The following ZMYM2 variants were observed in gnomAD, a reference collection of about 807,000 sequenced individuals.
ZMYM2 encodes the protein zinc finger MYM-type containing 2.
ZMYM2 carries 56 observed loss-of-function variants against 162.8 expected under a neutral mutation model. That is an observed-to-expected ratio of 0.34 (90% CI 0.28 to 0.43). The LOEUF (loss-of-function observed/expected upper bound fraction) is 0.43. ZMYM2 is among the 20% of genes least tolerant of loss of function. The pLI is 1.00. For synonymous variants in ZMYM2, 510 were observed against 541.6 expected (o/e 0.94, Z 0.81); for missense variants, 1,275 against 1,621.8 (o/e 0.79, Z 3.67).
chr13:19,926,772 A>G, the ZMYM2 span, among the ~76,000 whole-genome samples: 52 of 152,262 alleles, frequency 3.4e-4, no homozygotes, highest in Non-Finnish European at 6.8e-4. Context: ...TGCTCAAGTG[A>G]TCCTCCCATC....
chr13:19,974,208 A>C (rs1956583760), intron 2 of ZMYM2, among the ~76,000 whole-genome samples: 1 of 152,204 alleles, frequency 6.6e-6, no homozygotes, highest in Admixed American at 6.5e-5. Context: ...TCTTCCCTAG[A>C]GGCAAACCAC....
intron 21 of ZMYM2, among the ~76,000 whole-genome samples, chr13:20,073,089 G>A (rs1040900087): frequency 1.3e-5 from 2 of 152,002 alleles, no homozygotes; most frequent in African/African-American, 2.4e-5. Flanking sequence ...TGTATTTTTA[G>A]TAGAGACAGG....
chr13:19,865,655 T>C, the ZMYM2 span, among the ~76,000 whole-genome samples: 1 of 152,230 alleles, frequency 6.6e-6, no homozygotes, highest in African/African-American at 2.4e-5. Context: ...TTTCTGATTA[T>C]CTTTTTCACA....
the ZMYM2 span, among the ~76,000 whole-genome samples, chr13:19,876,029 A>ATT: frequency 6.0e-4 from 88 of 145,948 alleles, 1 homozygote; most frequent in Middle Eastern, 3.5e-3. Context: ...TTGTTCTTAA[A>ATT]TTTTTTTTTT....
chr13:20,018,337 TAA>T (rs1231659208), intron 6 of ZMYM2, among the ~76,000 whole-genome samples: 14 of 152,340 alleles, frequency 9.2e-5, no homozygotes, highest in African/African-American at 2.6e-4. Flanking sequence ...ATTAGTTAAA[TAA>T]ATAGGTGGGA....
At chr13:20,042,625 T>C (rs1386076770) in intron 12 of ZMYM2, among the ~76,000 whole-genome samples, 1 of 152,156 alleles carries the variant, frequency 6.6e-6, no homozygotes. Flanking sequence ...ACTCTGGCTT[T>C]TTGAGTTGTC....
At chr13:20,066,553 A>T (rs1956692545) in intron 19 of ZMYM2, 1 of 243,278 alleles carries the variant, frequency 4.1e-6, no homozygotes, top group African/African-American at 2.2e-5. Context: ...GAGAAAATAT[A>T]TTTACGATTC....
chr13:20,028,128 A>G (rs948998588), intron 9 of ZMYM2: 7 of 167,796 alleles, frequency 4.2e-5, no homozygotes, highest in Non-Finnish European at 7.8e-5. Flanking sequence ...AATAGTTACT[A>G]TATCACTTAT....
the ZMYM2 span, among the ~76,000 whole-genome samples, chr13:19,885,069 A>G: frequency 6.6e-6 from 1 of 152,172 alleles, no homozygotes; most frequent in Non-Finnish European, 1.5e-5. Flanking sequence ...TGCATATACA[A>G]TCCTCTAGCT....
intron 3 of ZMYM2, among the ~76,000 whole-genome samples, chr13:20,001,394 G>GAA (rs61504250): frequency 1.8e-5 from 2 of 108,970 alleles, no homozygotes. Flanking sequence ...TGTCTCAAAA[G>GAA]AAAAAAAAAA....
At chr13:19,979,232 C>CT (rs1957078262) in intron 2 of ZMYM2, among the ~76,000 whole-genome samples, 2 of 152,200 alleles carry the variant, frequency 1.3e-5, no homozygotes, top group South Asian at 4.1e-4. Context: ...ACATGGATAT[C>CT]TTTGAGTTTA....
chr13:19,889,078 T>C, the ZMYM2 span, among the ~76,000 whole-genome samples: 15 of 152,084 alleles, frequency 9.9e-5, no homozygotes, highest in South Asian at 3.1e-3. Flanking sequence ...CCCTCTGTTT[T>C]ATTGGAACCC....
intron 10 of ZMYM2, among the ~76,000 whole-genome samples, chr13:20,032,163 G>A (rs1343121928): frequency 1.3e-5 from 2 of 152,078 alleles, no homozygotes; most frequent in African/African-American, 4.8e-5. Context: ...GAGCCACCAT[G>A]CCCGGCCATA....
At chr13:19,943,925 TA>T in the ZMYM2 span, among the ~76,000 whole-genome samples, 1 of 152,136 alleles carries the variant, frequency 6.6e-6, no homozygotes, top group Non-Finnish European at 1.5e-5. Flanking sequence ...TAGAGTAAAT[TA>T]TCCAATGTGT....
chr13:19,882,513 A>AAATGTGGATCACT, the ZMYM2 span, among the ~76,000 whole-genome samples: 1 of 152,100 alleles, frequency 6.6e-6, no homozygotes, highest in Non-Finnish European at 1.5e-5. Context: ...TTGGGAGACT[A>AAATGTGGATCACT]AGGTGGGTGG....
At chr13:19,888,137 C>T in the ZMYM2 span, among the ~76,000 whole-genome samples, 1 of 151,814 alleles carries the variant, frequency 6.6e-6, no homozygotes, top group Admixed American at 6.6e-5. Context: ...GCTTGACCTC[C>T]CAAAGTGCTG....
chr13:19,918,643 C>T, the ZMYM2 span, among the ~76,000 whole-genome samples: 2 of 151,116 alleles, frequency 1.3e-5, no homozygotes, highest in Non-Finnish European at 2.9e-5. Flanking sequence ...GGATTACAGG[C>T]GCCTGCCACC....
At chr13:19,966,283 A>G (rs1695062029) in intron 2 of ZMYM2, among the ~76,000 whole-genome samples, 1 of 151,446 alleles carries the variant, frequency 6.6e-6, no homozygotes, top group Non-Finnish European at 1.5e-5. Flanking sequence ...TGCAGGCATG[A>G]GCCGCCACGC....
At chr13:19,964,299 C>G (rs1268543824) in intron 2 of ZMYM2, among the ~76,000 whole-genome samples, 2 of 152,050 alleles carry the variant, frequency 1.3e-5, no homozygotes, top group African/African-American at 4.8e-5. Flanking sequence ...TCACCTGAAA[C>G]TGGGAGGTGG....
Sources: gnomAD v4.1 joint callset for allele counts (sites outside exome capture counted in the v4.1 genomes callset) on GRCh38, gnomAD v4.1.1 for gene constraint, MANE v1.5 for transcripts, NCBI Gene and HGNC (gene_info 2026-07-23, HGNC 2026-07-21) for gene names.